Variants in PLEKHG5 observed in about 807,000 individuals in gnomAD.
The protein encoded by PLEKHG5 is pleckstrin homology and RhoGEF domain containing G5.
PLEKHG5 carries 52 observed loss-of-function variants against 103.8 expected under a neutral mutation model. That is an observed-to-expected ratio of 0.50 (90% CI 0.40 to 0.63). The LOEUF (loss-of-function observed/expected upper bound fraction) is 0.63, where lower values mean the gene tolerates loss of function less well. PLEKHG5 is among the 30% of genes least tolerant of loss of function. The pLI is 0.00. For missense variants in PLEKHG5, 1,205 were observed against 1,347.6 expected, an observed-to-expected ratio of 0.89 and a Z score of 1.66; for synonymous variants, 592 against 575.5, an observed-to-expected ratio of 1.03 and a Z score of -0.41.
chr1:6,499,476 C>T (rs1225982640), upstream of PLEKHG5, among the ~76,000 whole-genome samples: 1 of 152,214 alleles, frequency 6.6e-6, no homozygotes, highest in Non-Finnish European at 1.5e-5. Flanking sequence ...TCCTGGCTCC[C>T]CTGGGAGGTA....
rs1644587885 is a variant in PLEKHG5, at chr1:6,471,543, G to A, written c.1226C>T (p.Ala409Val). 5.0e-6 allele frequency: 8 copies of A among 1,608,090 alleles called. No homozygotes were observed. Among genetic ancestry groups the A allele is most frequent in the Non-Finnish European group, 6.8e-6 (8 of 1,178,124 alleles). ...ASVMAPVLEK[A>V]RRTRALLQPG... ...CTGTAGCAGCGCTCGCGTGCGCCGC[G>A]CCTTCTCCAGCACCGGCGCCATCAC... The change falls in exon 12 of 21, where the codon GCG (alanine) becomes GTG (valine). Residue 409 changes from alanine to valine, a missense_variant. Coordinates refer to ENST00000377728, the MANE Select transcript of PLEKHG5 (RefSeq NM_020631.6).
At chr1:6,498,127 G>A (rs1345759803), upstream of PLEKHG5, among the ~76,000 whole-genome samples, 2 of 152,152 alleles carry the variant, frequency 1.3e-5, no homozygotes, top group Non-Finnish European at 2.9e-5. Context: ...AAACAGCCTC[G>A]CAGAGGTGGC....
chr1:6,508,163 C>T (rs968296429), intron 1 of PLEKHG5, among the ~76,000 whole-genome samples: 1 of 111,080 alleles, frequency 9.0e-6, no homozygotes, highest in African/African-American at 3.4e-5. Flanking sequence ...CAAGGGGACG[C>T]CCCTGCTGCA....
At chr1:6,488,586 A>G (rs1227066361) in intron 1 of PLEKHG5, among the ~76,000 whole-genome samples, 2 of 152,188 alleles carry the variant, frequency 1.3e-5, no homozygotes, top group Non-Finnish European at 2.9e-5. Flanking sequence ...CTGCCTGGGT[A>G]CTCAGCAAGG....
chr1:6,506,782 A>G (rs2148634343), intron 1 of PLEKHG5, among the ~76,000 whole-genome samples: 1 of 152,206 alleles, frequency 6.6e-6, no homozygotes, highest in South Asian at 2.1e-4. Flanking sequence ...GCTGTGGGCC[A>G]GGCCTCACCC....
intron 1 of PLEKHG5, among the ~76,000 whole-genome samples, chr1:6,502,107 C>T (rs1397595909): frequency 6.6e-6 from 1 of 152,280 alleles, no homozygotes; most frequent in Admixed American, 6.5e-5. Flanking sequence ...GGGGCTGGAC[C>T]TCTTAGCCGC....
At chr1:6,472,834 A>G in intron 9 of PLEKHG5, 152 bp downstream of exon 9, 1 of 813,300 alleles carries the variant, frequency 1.2e-6, no homozygotes, top group East Asian at 2.7e-5. Flanking sequence ...CAAGCAGCAC[A>G]CCATTTTCAT....
chr1:6,468,703 AGAGAT>A, intron 19 of PLEKHG5, 117 bp from the exon 20 acceptor site: 1 of 1,092,078 alleles, frequency 9.2e-7, no homozygotes, highest in Non-Finnish European at 1.4e-6. Flanking sequence ...CTGGAGGCTC[AGAGAT>A]GGCAGCATGT....
Position 6,473,290 on chromosome 1 carries a change from G to A in PLEKHG5, c.756C>T (p.Gly252=). 1 of 1,596,772 alleles carries A rather than the reference G, an allele frequency of 6.3e-7. No homozygotes were observed. Among genetic ancestry groups the A allele is most frequent in the Non-Finnish European group, 8.5e-7 (1 of 1,172,400 alleles). ...TGGTGCTGGGGCCGGAGCTGAAAAA[G>A]CCGCTGAAGCGACTGGCCGCCCGGT... ...WKNRAASRFS[G]FFSSGPSTSA... Residue 252 remains glycine, a synonymous_variant, in exon 8 of 21, where the codon GGC becomes GGT. Coordinates refer to ENST00000377728, the MANE Select transcript of PLEKHG5 (RefSeq NM_020631.6).
rs752706269 is a variant in PLEKHG5, at chr1:6,479,734, CT to C, written c.-87-2077del. 3.9e-5 allele frequency among the ~76,000 whole-genome samples: 6 copies of C among 152,252 alleles called. No individual in the cohort carries two copies. In the East Asian group the frequency reaches 7.7e-4, roughly 20 times the overall value. On this transcript the variant is annotated intron_variant, in intron 1 of 20. Transcript: ENST00000377728. ...CAAGTAATCCTCCTGCCTTAGCCTC[CT>C]TAGTAGCTGGGAATACTAGGTGCAT...
At chr1:6,512,240 C>T (rs535144556) in intron 1 of PLEKHG5, among the ~76,000 whole-genome samples, 6 of 152,292 alleles carry the variant, frequency 3.9e-5, no homozygotes, top group South Asian at 2.1e-4. Flanking sequence ...CCTTCACAGC[C>T]GAGATATTTG....
intron 1 of PLEKHG5, among the ~76,000 whole-genome samples, chr1:6,518,370 A>T (rs12141899): frequency 6.6e-6 from 1 of 150,596 alleles, no homozygotes; most frequent in South Asian, 2.1e-4. Flanking sequence ...AGACCAGCCC[A>T]ACCAACATGG....
At chr1:6,496,650 G>T (rs1645230150), upstream of PLEKHG5, 1 of 1,028,542 alleles carries the variant, frequency 9.7e-7, no homozygotes, top group Admixed American at 3.0e-5. Context: ...ACCGGAGGAG[G>T]GGTGGGGTGA....
intron 16 of PLEKHG5, among the ~76,000 whole-genome samples, chr1:6,470,016 A>G (rs547045335): frequency 1.3e-5 from 2 of 152,334 alleles, no homozygotes; most frequent in South Asian, 4.1e-4. Context: ...CCCACCAGGA[A>G]CCCATGTGGC....
At position 6,471,868 on chromosome 1, in the gene PLEKHG5, A is replaced by G. The variant is rs878866634; in HGVS notation, c.1081-60T>C. On this transcript the variant is annotated intron_variant, in intron 10 of 20. Coordinates refer to ENST00000377728, the MANE Select transcript of PLEKHG5 (RefSeq NM_020631.6). The stretch of plus-strand genomic sequence containing the variant: ...GAGGCTGTCTCAGCCCTAGGGCCCC[A>G]CCCAGCCTCAGGCTCCCCTGCCACT... 13 of 1,490,394 alleles carry G rather than the reference A, an allele frequency of 8.7e-6. No homozygotes were observed. In the East Asian group the frequency reaches 3.2e-4, roughly 37 times the overall value. 92.3% of individuals were successfully genotyped at this position (1,490,394 alleles called of 1,614,324 possible).
chr1:6,481,779 G>A (rs1644909208), intron 1 of PLEKHG5, among the ~76,000 whole-genome samples: 1 of 150,854 alleles, frequency 6.6e-6, no homozygotes, highest in Non-Finnish European at 1.5e-5. Flanking sequence ...CAGGAGAATT[G>A]TTTGAACTCA....
At chr1:6,518,287 G>A (rs372404306) in intron 1 of PLEKHG5, among the ~76,000 whole-genome samples, 2 of 151,220 alleles carry the variant, frequency 1.3e-5, no homozygotes, top group Non-Finnish European at 2.9e-5. Context: ...AGGGCCAGAC[G>A]CGGTGGCTCA....
intron 1 of PLEKHG5, among the ~76,000 whole-genome samples, chr1:6,483,541 T>C (rs894380866): frequency 2.0e-5 from 3 of 152,174 alleles, no homozygotes; most frequent in Non-Finnish European, 4.4e-5. Context: ...GGCGCTCTCT[T>C]GTAGTCCCAG....
At chr1:6,495,911 G>A (rs1009636326), upstream of PLEKHG5, among the ~76,000 whole-genome samples, 3 of 152,330 alleles carry the variant, frequency 2.0e-5, no homozygotes, top group Non-Finnish European at 4.4e-5. Flanking sequence ...AGGCAGAAGC[G>A]CCCAGCCAGT....
Sources: allele counts gnomAD v4.1 joint callset (sites outside exome capture counted in the v4.1 genomes callset), GRCh38; gene constraint gnomAD v4.1.1; transcripts MANE v1.5; gene names NCBI Gene and HGNC (gene_info 2026-07-23, HGNC 2026-07-21).